ERBB4: variants seen among roughly 807,000 people sequenced by gnomAD.
ERBB4 encodes the protein receptor tyrosine-protein kinase erbB-4.
ERBB4 carries 42 observed loss-of-function variants against 158.0 expected under a neutral mutation model. The observed-to-expected ratio is 0.27, with a 90% confidence interval of 0.21 to 0.34. ERBB4 has a LOEUF of 0.34. Among genes scored for constraint, ERBB4 ranks in the 10% least tolerant of loss-of-function variants. The probability of loss-of-function intolerance (pLI) is 1.00; values close to 1 mark genes in which losing one functional copy is unlikely to be tolerated. For missense variants in ERBB4, 1,333 were observed against 1,624.1 expected (o/e 0.82, Z 3.08); for synonymous variants, 583 against 558.7 (o/e 1.04, Z -0.61).
intron 1 of ERBB4, among the ~76,000 whole-genome samples, chr2:212,320,710 C>T (rs1423878902): frequency 6.7e-6 from 1 of 149,882 alleles, no homozygotes; most frequent in Non-Finnish European, 1.5e-5. Flanking sequence ...TTATACTTTA[C>T]TCTTTTTCTC....
chr2:211,830,856 T>A (rs572606427), intron 3 of ERBB4, among the ~76,000 whole-genome samples: 10 of 152,106 alleles, frequency 6.6e-5, no homozygotes, highest in Non-Finnish European at 1.3e-4. Context: ...AATAGGGTTA[T>A]AAGACAGCAC....
At chr2:212,366,370 C>T (rs1428962572) in intron 1 of ERBB4, among the ~76,000 whole-genome samples, 2 of 151,958 alleles carry the variant, frequency 1.3e-5, no homozygotes, top group African/African-American at 2.4e-5. Flanking sequence ...GGACTGCTTA[C>T]ACATCACAGA....
chr2:211,691,944 C>A (rs1447078710), intron 12 of ERBB4, among the ~76,000 whole-genome samples: 1 of 151,980 alleles, frequency 6.6e-6, no homozygotes, highest in African/African-American at 2.4e-5. Context: ...TGTCGGAATC[C>A]GTTGAAAGGT....
At chr2:212,028,620 G>T (rs1244589812) in intron 2 of ERBB4, among the ~76,000 whole-genome samples, 2 of 152,066 alleles carry the variant, frequency 1.3e-5, no homozygotes, top group African/African-American at 4.8e-5. Context: ...CTAACAGACT[G>T]CACGCAGGCA....
At chr2:212,311,446 G>A (rs2087040414) in intron 1 of ERBB4, among the ~76,000 whole-genome samples, 1 of 150,830 alleles carries the variant, frequency 6.6e-6, no homozygotes, top group Non-Finnish European at 1.5e-5. Flanking sequence ...TATCACCATA[G>A]AGTTGCAATT....
intron 3 of ERBB4, among the ~76,000 whole-genome samples, chr2:211,916,253 C>T (rs2079686921): frequency 6.6e-6 from 1 of 151,986 alleles, no homozygotes; most frequent in Non-Finnish European, 1.5e-5. Context: ...GGTATCAGCT[C>T]ACTGCAACCT....
At chr2:211,631,320 T>C (rs897917905) in intron 16 of ERBB4, among the ~76,000 whole-genome samples, 1 of 152,166 alleles carries the variant, frequency 6.6e-6, no homozygotes, top group Non-Finnish European at 1.5e-5. Flanking sequence ...CAAAGTGCTA[T>C]TTGAAACTCT....
chr2:211,900,717 T>A (rs979477375), intron 3 of ERBB4, among the ~76,000 whole-genome samples: 1 of 152,138 alleles, frequency 6.6e-6, no homozygotes, highest in African/African-American at 2.4e-5. Context: ...CTCAAGGCAC[T>A]TAGAATAAAT....
At chr2:212,470,456 C>G (rs1311626270) in intron 1 of ERBB4, among the ~76,000 whole-genome samples, 3 of 152,052 alleles carry the variant, frequency 2.0e-5, no homozygotes, top group Non-Finnish European at 4.4e-5. Flanking sequence ...TACAATGAGA[C>G]CTGGGCCAAT....
At chr2:211,837,653 C>T (rs2077371103) in intron 3 of ERBB4, among the ~76,000 whole-genome samples, 1 of 152,050 alleles carries the variant, frequency 6.6e-6, no homozygotes, top group Non-Finnish European at 1.5e-5. Context: ...TTTAACTTCT[C>T]TGTAACTCAG....
chr2:211,748,652 C>G (rs1469608847), intron 5 of ERBB4, among the ~76,000 whole-genome samples: 1 of 152,162 alleles, frequency 6.6e-6, no homozygotes, highest in Non-Finnish European at 1.5e-5. Flanking sequence ...GGCTCAGCCA[C>G]AACAAGGAGC....
intron 1 of ERBB4, among the ~76,000 whole-genome samples, chr2:212,260,024 G>A (rs1435724195): frequency 3.3e-5 from 5 of 150,336 alleles, no homozygotes; most frequent in Admixed American, 3.3e-4. Context: ...AACCGAGATC[G>A]TGCCATTGCA....
chr2:211,636,977 GA>G (rs2125886337), intron 16 of ERBB4, among the ~76,000 whole-genome samples: 1 of 152,002 alleles, frequency 6.6e-6, no homozygotes, highest in African/African-American at 2.4e-5. Context: ...TACTTTCTGG[GA>G]AAGTAAATTA....
intron 13 of ERBB4, among the ~76,000 whole-genome samples, chr2:211,677,126 T>G (rs929496604): frequency 6.6e-6 from 1 of 152,220 alleles, no homozygotes; most frequent in Non-Finnish European, 1.5e-5. Context: ...AGAAGAGACA[T>G]GTCAATATCA....
chr2:211,960,604 T>A (rs1365129996), intron 2 of ERBB4: 4 of 152,136 alleles, frequency 2.6e-5, no homozygotes, highest in Non-Finnish European at 1.5e-5. Context: ...CAGAAATTTG[T>A]TACTCACAAT....
intron 2 of ERBB4, among the ~76,000 whole-genome samples, chr2:212,017,056 T>C (rs2076544827): frequency 6.6e-6 from 1 of 152,128 alleles, no homozygotes; most frequent in Non-Finnish European, 1.5e-5. Flanking sequence ...ATTTGAAATG[T>C]GATTTACTTT....
intron 3 of ERBB4, among the ~76,000 whole-genome samples, chr2:211,861,086 A>T (rs1346631635): frequency 0.011 from 556 of 48,696 alleles, 45 homozygotes; most frequent in Non-Finnish European, 0.015. Flanking sequence ...ATATATTATA[A>T]AATATATAAA....
intron 17 of ERBB4, among the ~76,000 whole-genome samples, chr2:211,624,546 A>T (rs533855799): frequency 6.6e-6 from 1 of 152,290 alleles, no homozygotes; most frequent in African/African-American, 2.4e-5. Context: ...TTGCATTTGC[A>T]TAGAACTCTA....
intron 2 of ERBB4, among the ~76,000 whole-genome samples, chr2:212,045,650 A>T (rs989916292): frequency 6.6e-6 from 1 of 152,136 alleles, no homozygotes; most frequent in African/African-American, 2.4e-5. Flanking sequence ...AATGAGACTG[A>T]ACAGTACCAA....
Sources: gnomAD v4.1 joint callset for allele counts (sites outside exome capture counted in the v4.1 genomes callset) on GRCh38, gnomAD v4.1.1 for gene constraint, MANE v1.5 for transcripts, NCBI Gene and HGNC (gene_info 2026-07-23, HGNC 2026-07-21) for gene names.